CADM1: variants seen among roughly 807,000 people sequenced by gnomAD.
CADM1 encodes the protein TSLC-1.
A neutral mutation model predicts 53.1 loss-of-function variants in CADM1; 15 were observed. The ratio of observed to expected loss-of-function variants is 0.28; its 90% CI spans 0.19 to 0.44. The LOEUF is 0.44. Ranked by LOEUF, CADM1 falls within the 20% of genes least tolerant of loss-of-function variation. The pLI is 1.00. For missense variants in CADM1, 434 were observed against 611.3 expected, an observed-to-expected ratio of 0.71 and a Z score of 3.06; for synonymous variants, 281 against 243.0, an observed-to-expected ratio of 1.16 and a Z score of -1.45.
chr11:115,363,927 T>C (rs1946091894), intron 1 of CADM1, among the ~76,000 whole-genome samples: 1 of 152,156 alleles, frequency 6.6e-6, no homozygotes, highest in Admixed American at 6.5e-5. Context: ...AATTGCTTAC[T>C]ATATTCATTA....
intron 1 of CADM1, among the ~76,000 whole-genome samples, chr11:115,498,020 C>T (rs903831509): frequency 3.5e-5 from 5 of 144,598 alleles, no homozygotes; most frequent in Admixed American, 6.9e-5. Context: ...CCTTGGAAAA[C>T]GGAACAATTT....
intron 7 of CADM1, among the ~76,000 whole-genome samples, chr11:115,211,475 CTTTTTTTTTT>C (rs1224649182): frequency 1.1e-5 from 1 of 92,260 alleles, no homozygotes; most frequent in Non-Finnish European, 1.9e-5. Flanking sequence ...AATCCTATTT[CTTTTTTTTTT>C]TTTTTTTTTT....
At chr11:115,488,362 T>C (rs978608513) in intron 1 of CADM1, among the ~76,000 whole-genome samples, 7 of 152,152 alleles carry the variant, frequency 4.6e-5, no homozygotes, top group African/African-American at 1.4e-4. Flanking sequence ...CAAAAACAAG[T>C]TATGAGAGGC....
chr11:115,257,667 TAC>T (rs1344385035), intron 1 of CADM1, among the ~76,000 whole-genome samples: 3 of 152,216 alleles, frequency 2.0e-5, no homozygotes, highest in Admixed American at 6.5e-5. Context: ...GTAGGGCTTG[TAC>T]ACAGAGTAAA....
intron 1 of CADM1, among the ~76,000 whole-genome samples, chr11:115,394,859 A>G (rs967667674): frequency 2.2e-4 from 33 of 152,188 alleles, no homozygotes; most frequent in Non-Finnish European, 3.1e-4. Context: ...GAAAATAAAA[A>G]AACAAAACAA....
intron 1 of CADM1, among the ~76,000 whole-genome samples, chr11:115,417,566 A>G (rs1037805082): frequency 1.3e-5 from 2 of 152,244 alleles, no homozygotes; most frequent in Admixed American, 6.5e-5. Context: ...CTTGAGCATA[A>G]GCACTGAAAT....
At chr11:115,193,672 G>A (rs1186590934) in intron 9 of CADM1, among the ~76,000 whole-genome samples, 3 of 151,882 alleles carry the variant, frequency 2.0e-5, no homozygotes, top group Non-Finnish European at 4.4e-5. Flanking sequence ...GGTCAAATAC[G>A]ATTTAAATGC....
intron 3 of CADM1, among the ~76,000 whole-genome samples, chr11:115,232,293 G>A (rs1228751957): frequency 6.6e-6 from 1 of 152,076 alleles, no homozygotes; most frequent in Non-Finnish European, 1.5e-5. Context: ...ACCATAAAAT[G>A]CACAGAAAAA....
At chr11:115,399,801 G>C (rs220877) in intron 1 of CADM1, among the ~76,000 whole-genome samples, 1,016 of 69,486 alleles carry the variant, frequency 0.015, 6 homozygotes, top group African/African-American at 0.053. Flanking sequence ...CTTCTCTCCA[G>C]AAAAATCACA....
intron 1 of CADM1, among the ~76,000 whole-genome samples, chr11:115,245,088 G>A (rs1417246493): frequency 6.6e-6 from 1 of 152,146 alleles, no homozygotes; most frequent in African/African-American, 2.4e-5. Flanking sequence ...TGGCAACTAC[G>A]TAAACTGTTA....
chr11:115,189,199 T>C (rs1413612162), intron 10 of CADM1, among the ~76,000 whole-genome samples: 1 of 152,166 alleles, frequency 6.6e-6, no homozygotes, highest in African/African-American at 2.4e-5. Context: ...GGTTTATTGC[T>C]TCTGACTTGG....
At chr11:115,413,644 C>CTTTTTTTTTTTTGTTT (rs1947514227) in intron 1 of CADM1, among the ~76,000 whole-genome samples, 1 of 120,916 alleles carries the variant, frequency 8.3e-6, no homozygotes, top group Non-Finnish European at 1.8e-5. Flanking sequence ...CAGCTCAGTT[C>CTTTTTTTTTTTTGTTT]TTTTTTTTTT....
At chr11:115,391,989 CTAACAA>C (rs1378671293) in intron 1 of CADM1, among the ~76,000 whole-genome samples, 3 of 152,156 alleles carry the variant, frequency 2.0e-5, no homozygotes, top group Non-Finnish European at 4.4e-5. Context: ...CAGGCCCACA[CTAACAA>C]TATCACCACA....
intron 1 of CADM1, 97 bp from the exon 2 acceptor site, chr11:115,240,517 T>C (rs1159036673): frequency 1.6e-6 from 2 of 1,266,692 alleles, no homozygotes; most frequent in African/African-American, 2.9e-5. Context: ...TATTAGAAAA[T>C]GAACACAAGT....
At chr11:115,286,044 C>T (rs1167446200) in intron 1 of CADM1, among the ~76,000 whole-genome samples, 2 of 152,092 alleles carry the variant, frequency 1.3e-5, no homozygotes, top group South Asian at 2.1e-4. Flanking sequence ...ACCTGTCAAT[C>T]GTAAAAGCAT....
chr11:115,457,543 C>T (rs189927211), intron 1 of CADM1, among the ~76,000 whole-genome samples: 1 of 151,988 alleles, frequency 6.6e-6, no homozygotes, highest in Non-Finnish European at 1.5e-5. Context: ...GAGAGAAAAC[C>T]CAGAACCTTT....
chr11:115,338,959 T>C (rs1376655608), intron 1 of CADM1, among the ~76,000 whole-genome samples: 3 of 145,338 alleles, frequency 2.1e-5, no homozygotes, highest in Admixed American at 6.9e-5. Context: ...GTTAGTTACA[T>C]ATGTATACAT....
intron 1 of CADM1, among the ~76,000 whole-genome samples, chr11:115,253,696 C>T (rs971374476): frequency 3.9e-5 from 6 of 152,166 alleles, no homozygotes; most frequent in African/African-American, 1.2e-4. Flanking sequence ...CTACTCATCA[C>T]AGCGGAAAAC....
chr11:115,390,776 T>A (rs1428579650), intron 1 of CADM1, among the ~76,000 whole-genome samples: 1 of 152,118 alleles, frequency 6.6e-6, no homozygotes, highest in Non-Finnish European at 1.5e-5. Flanking sequence ...ACAGCTCAGT[T>A]CCTGTTTAAG....
Sources: gnomAD v4.1 joint callset for allele counts (sites outside exome capture counted in the v4.1 genomes callset) on GRCh38, gnomAD v4.1.1 for gene constraint, MANE v1.5 for transcripts, NCBI Gene and HGNC (gene_info 2026-07-23, HGNC 2026-07-21) for gene names.